Variants in ACLY observed in about 807,000 individuals in gnomAD.
The protein encoded by ACLY is ATP-citrate synthase.
Under a neutral mutation model 133.0 loss-of-function variants are expected in ACLY, and 41 were observed. The observed-to-expected ratio is 0.31, with a 90% confidence interval of 0.24 to 0.40. The LOEUF (loss-of-function observed/expected upper bound fraction) is 0.40, where lower values mean the gene tolerates loss of function less well. ACLY is among the 10% of genes least tolerant of loss of function. The pLI, the probability that ACLY is intolerant of heterozygous loss-of-function variation, is 1.00. For missense variants in ACLY, 1,046 were observed against 1,453.8 expected, an observed-to-expected ratio of 0.72 and a Z score of 4.56; for synonymous variants, 495 against 549.3, an observed-to-expected ratio of 0.90 and a Z score of 1.38.
Position 41,905,736 on chromosome 17 carries a change from C to T in ACLY, c.867-78G>A. 25 of 1,568,672 alleles carry T rather than the reference C, an allele frequency of 1.6e-5. No homozygotes were observed. The South Asian group carries it at 2.1e-4, about 13-fold the overall frequency. ...GCAGCCTGGTGCCTGGGAGGACACA[C>T]GGATCCCTCAAAACACTGGAGTTAG... On this transcript the variant is annotated intron_variant, in intron 8 of 28. Transcript: ENST00000352035.
At position 41,881,792 on chromosome 17, in the gene ACLY, C is replaced by A. The variant is rs150445724; in HGVS notation, c.2265+1330G>T. ...GATCTACCAAGGTCTGATTTTAAAG[C>A]CTGTGCAAGCAGAGCTCACCCTGGA... On this transcript the variant is annotated intron_variant, in intron 20 of 28. Coordinates refer to ENST00000352035, the MANE Select transcript of ACLY (RefSeq NM_001096.3). Among the ~76,000 whole-genome samples, 87 of 152,256 alleles carry A rather than the reference C, an allele frequency of 5.7e-4. 1 individual carries two copies. Among genetic ancestry groups the A allele is most frequent in the African/African-American group, 2.1e-3 (87 of 41,548 alleles).
At chr17:41,916,147 G>A (rs982716710) in intron 1 of ACLY, among the ~76,000 whole-genome samples, 1 of 152,144 alleles carries the variant, frequency 6.6e-6, no homozygotes, top group Non-Finnish European at 1.5e-5. Flanking sequence ...TAGGAGAGAA[G>A]ACACAATGGG....
Position 41,913,820 on chromosome 17 carries a change from G to T in ACLY, c.54C>A (p.Phe18Leu). The change falls in exon 2 of 29, where the codon TTC (phenylalanine) becomes TTA (leucine). Residue 18 changes from phenylalanine to leucine, a missense_variant. Transcript: ENST00000352035. Reference protein sequence around the residue: ...EQTGKELLYKFICTTSAIQNR... With the variant: ...EQTGKELLYKLICTTSAIQNR... Reference sequence around the variant, plus strand: ...TCTGGATGGCTGAGGTGGTACAGATGAACTTGTAAAGGAGTTCTTTGCCCG... The same window carrying T: ...TCTGGATGGCTGAGGTGGTACAGATTAACTTGTAAAGGAGTTCTTTGCCCG... The T allele has an allele frequency of 2.5e-6, 4 of 1,614,234 alleles. No individual in the cohort carries two copies. The highest frequency in any genetic ancestry group is 2.5e-6 in the Non-Finnish European group (3 of 1,180,042).
At chr17:41,897,037 T>C (rs1481438406) in intron 13 of ACLY, among the ~76,000 whole-genome samples, 1 of 152,144 alleles carries the variant, frequency 6.6e-6, no homozygotes, top group African/African-American at 2.4e-5. Flanking sequence ...TGAAACACTA[T>C]GAGATGATTG....
intron 2 of ACLY, among the ~76,000 whole-genome samples, chr17:41,913,058 C>T (rs1377995519): frequency 6.6e-6 from 1 of 152,186 alleles, no homozygotes; most frequent in African/African-American, 2.4e-5. Flanking sequence ...CCCTCCATCC[C>T]TTTGTGGTTG....
intron 20 of ACLY, among the ~76,000 whole-genome samples, chr17:41,882,738 G>A (rs1342211796): frequency 2.0e-5 from 3 of 151,968 alleles, no homozygotes. Flanking sequence ...ACCAAGCCCC[G>A]CCCAGCTGAG....
chr17:41,877,570 C>T (rs2048797262), intron 22 of ACLY, among the ~76,000 whole-genome samples: 1 of 151,996 alleles, frequency 6.6e-6, no homozygotes. Flanking sequence ...TCCACCTTGA[C>T]CTCCAAAAGT....
At chr17:41,886,433 A>T in intron 17 of ACLY, 125 bp from the exon 18 acceptor site, 1 of 942,368 alleles carries the variant, frequency 1.1e-6, no homozygotes, top group Non-Finnish European at 1.6e-6. Flanking sequence ...GACCAAGAGA[A>T]ATCACACTTG....
intron 2 of ACLY, 119 bp from the exon 3 acceptor site, chr17:41,912,661 C>T: frequency 1.6e-6 from 2 of 1,261,188 alleles, no homozygotes; most frequent in South Asian, 1.4e-5. Context: ...CCAAAGCCAG[C>T]CCTAACCATC....
Position 41,887,700 on chromosome 17 carries a change from G to C in ACLY, c.1774C>G (p.Arg592Gly). The change falls in exon 17 of 29, where the codon CGG becomes GGG. Residue 592 changes from arginine (R) to glycine (G), a missense_variant. Arg to Gly is a moderately radical substitution (Grantham distance 125). Around this residue, in one of 4 missense-constraint regions of ACLY, gnomAD observed 575 missense variants for 804.2 expected, o/e 0.71. Coordinates refer to ENST00000352035, the MANE Select transcript of ACLY (RefSeq NM_001096.3). Reference protein sequence around the residue: ...TMETMNYAQIRTIAIIAEGIP... With the variant: ...TMETMNYAQIGTIAIIAEGIP... Reference sequence around the variant, plus strand: ...CCTTCAGCTATGATGGCGATGGTCCGGATCTAGAGGATGACAAAAGTCCCT... The same window carrying C: ...CCTTCAGCTATGATGGCGATGGTCCCGATCTAGAGGATGACAAAAGTCCCT... 1.2e-6 allele frequency: 2 copies of C among 1,613,250 alleles called. No homozygotes were observed. Among genetic ancestry groups the C allele is most frequent in the Non-Finnish European group, 1.7e-6 (2 of 1,179,420 alleles).
At chr17:41,911,102 C>T (rs1456829363) in intron 3 of ACLY, among the ~76,000 whole-genome samples, 5 of 152,298 alleles carry the variant, frequency 3.3e-5, no homozygotes, top group African/African-American at 1.2e-4. Context: ...GGTCGCTTCA[C>T]GCCTGGGTCC....
At position 41,869,209 on chromosome 17, in the gene ACLY, G is replaced by T. The variant is rs782055612; in HGVS notation, c.3052-84C>A. 9.9e-6 allele frequency: 12 copies of T among 1,206,992 alleles called. No homozygotes were observed. In the South Asian group the frequency reaches 1.5e-4, roughly 15 times the overall value. 74.8% of individuals were successfully genotyped at this position (1,206,992 alleles called of 1,614,324 possible). A position where few individuals can be genotyped will look rare whatever the true frequency, so the allele number is the denominator to read the frequency against. On this transcript the variant is annotated intron_variant, in intron 26 of 28. Transcript: ENST00000352035. Reference sequence around the variant, plus strand: ...TTTCCACTGTCACTACTATTACTACGAATTGTGACCATCATTTAAAAACCT... The same window carrying T: ...TTTCCACTGTCACTACTATTACTACTAATTGTGACCATCATTTAAAAACCT...
Position 41,899,989 on chromosome 17 carries a change from A to G in ACLY, c.1184-1204T>C, listed in dbSNP as rs1202315564. Reference sequence around the variant, plus strand: ...GAGGTTGAGGTGGGAGGATCCCTTGAGTCTGGGAGGCAGAGGTTGCAGTGA... The same window carrying G: ...GAGGTTGAGGTGGGAGGATCCCTTGGGTCTGGGAGGCAGAGGTTGCAGTGA... On this transcript the variant is annotated intron_variant, in intron 11 of 28. Transcript: ENST00000352035. Among the ~76,000 whole-genome samples, 26 of 136,988 alleles carry G rather than the reference A, an allele frequency of 1.9e-4. No homozygotes were observed. In the Admixed American group the frequency reaches 2.2e-3, roughly 11 times the overall value. 89.9% of individuals were successfully genotyped at this position (136,988 alleles called of 152,430 possible). A position where few individuals can be genotyped will look rare whatever the true frequency, so the allele number is the denominator to read the frequency against.
rs7217218 is a variant in ACLY at position 41,867,770 on chromosome 17, A to T, written c.*40T>A. On this transcript the variant is annotated 3_prime_UTR_variant, in exon 29 of 29. Coordinates refer to ENST00000352035, the MANE Select transcript of ACLY (RefSeq NM_001096.3). ...TGTACACTTTTTCTTGGGGGAAGAG[A>T]TCTTGTCTTCAGTTTACTGCAGTAG... The T allele has an allele frequency of 0.92, 1,385,246 of 1,506,830 alleles. 637,457 individuals carry two copies. The highest frequency in any genetic ancestry group is 1 in the East Asian group (43,011 of 43,016). 93.3% of individuals were successfully genotyped at this position (1,506,830 alleles called of 1,614,324 possible). A position where few individuals can be genotyped will look rare whatever the true frequency, so the allele number is the denominator to read the frequency against.
At chr17:41,919,137 G>A (rs558191947), upstream of ACLY, 4 of 1,100,436 alleles carry the variant, frequency 3.6e-6, no homozygotes, top group Admixed American at 3.9e-5. Flanking sequence ...GGGGCCTGCT[G>A]GGACTTGTAG....
chr17:41,872,620 C>T (rs1482367918), intron 23 of ACLY, among the ~76,000 whole-genome samples: 1 of 152,164 alleles, frequency 6.6e-6, no homozygotes, highest in African/African-American at 2.4e-5. Context: ...TGAGCCACCG[C>T]GCCCGGCCCC....
At position 41,878,858 on chromosome 17, in the gene ACLY, C is replaced by T; in HGVS notation, c.2332G>A (p.Ala778Thr). ...ASETAVAKNQ[A>T]LKEAGVFVPR... is the part of the protein sequence containing the mutation. ...ACAAACACTCCTGCTTCCTTCAAAG[C>T]CTGGTTCTTGGCTACTGCAGTTTCA... is the stretch of plus-strand genomic sequence containing the variant. The change falls in exon 21 of 29, where the codon GCT (alanine) becomes ACT (threonine). Residue 778 changes from alanine to threonine, a missense_variant. Physicochemically the swap from Ala to Thr is moderately conservative, Grantham distance 58. This residue lies in a region of ACLY where 575 missense variants were observed against 804.2 expected (regional missense o/e 0.71). Coordinates refer to ENST00000352035, the MANE Select transcript of ACLY (RefSeq NM_001096.3). 1 of 1,614,098 alleles carries T rather than the reference C, an allele frequency of 6.2e-7. No individual in the cohort carries two copies. Among genetic ancestry groups the T allele is most frequent in the Non-Finnish European group, 8.5e-7 (1 of 1,179,996 alleles).
At chr17:41,868,840 C>T in intron 27 of ACLY, 55 bp from the exon 28 acceptor site, 1 of 1,547,828 alleles carries the variant, frequency 6.5e-7, no homozygotes, top group East Asian at 2.2e-5. Flanking sequence ...GCCCTCCTCC[C>T]CACAGACAGT....
chr17:41,930,500 G>T, exon 1 of ACLY: 2 of 495,372 alleles, frequency 4.0e-6, no homozygotes, highest in South Asian at 2.4e-5. Context: ...CAGCCCAGCC[G>T]TCAGCCACGC....
Sources: gnomAD v4.1 joint callset for allele counts (sites outside exome capture counted in the v4.1 genomes callset) on GRCh38, gnomAD v4.1.1 for gene constraint, gnomAD v4.1.1 regional missense constraint, MANE v1.5 for transcripts, NCBI Gene and HGNC (gene_info 2026-07-23, HGNC 2026-07-21) for gene names.